Variants in CHSY3 observed in about 807,000 individuals in gnomAD.
CHSY3 encodes the protein N-acetylgalactosaminyl-proteoglycan 3-beta-glucuronosyltransferase 3.
CHSY3 carries 35 observed loss-of-function variants against 67.2 expected under a neutral mutation model. The ratio of observed to expected loss-of-function variants is 0.52; its 90% CI spans 0.40 to 0.69. The LOEUF (loss-of-function observed/expected upper bound fraction) is 0.69. Among genes scored for constraint, CHSY3 ranks in the 30% least tolerant of loss-of-function variants. The pLI, the probability that CHSY3 is intolerant of heterozygous loss-of-function variation, is 0.00. For synonymous variants in CHSY3, 474 were observed against 434.7 expected (o/e 1.09, Z -1.12); for missense variants, 1,069 against 1,138.5 (o/e 0.94, Z 0.88).
intron 2 of CHSY3, among the ~76,000 whole-genome samples, chr5:130,010,197 A>G (rs950866180): frequency 1.3e-5 from 2 of 152,206 alleles, no homozygotes; most frequent in Non-Finnish European, 2.9e-5. Flanking sequence ...TCATATGCAC[A>G]TGGCACATAC....
intron 2 of CHSY3, among the ~76,000 whole-genome samples, chr5:129,920,957 T>C (rs564004618): frequency 6.6e-6 from 1 of 152,182 alleles, no homozygotes; most frequent in African/African-American, 2.4e-5. Context: ...CAGCTGAGAC[T>C]GCAGGCATGC....
intron 2 of CHSY3, among the ~76,000 whole-genome samples, chr5:129,998,649 C>A (rs1449954381): frequency 6.6e-6 from 1 of 151,952 alleles, no homozygotes; most frequent in African/African-American, 2.4e-5. Flanking sequence ...TTTTGTCAAT[C>A]TGATTATTAA....
At chr5:130,079,437 G>A (rs1268778511) in intron 2 of CHSY3, among the ~76,000 whole-genome samples, 1 of 152,082 alleles carries the variant, frequency 6.6e-6, no homozygotes, top group Non-Finnish European at 1.5e-5. Context: ...ATAAACTTCA[G>A]GATTTTTGTG....
At chr5:130,057,539 T>G (rs1181825333) in intron 2 of CHSY3, among the ~76,000 whole-genome samples, 1 of 152,182 alleles carries the variant, frequency 6.6e-6, no homozygotes, top group Non-Finnish European at 1.5e-5. Flanking sequence ...AATACTAATA[T>G]TTGTCATTAA....
chr5:130,048,648 C>G (rs544480764), intron 2 of CHSY3, among the ~76,000 whole-genome samples: 1 of 152,138 alleles, frequency 6.6e-6, no homozygotes, highest in African/African-American at 2.4e-5. Flanking sequence ...CTCTCTCTCT[C>G]TGCCCCCTGC....
chr5:129,927,730 A>T (rs1761163817), intron 2 of CHSY3, among the ~76,000 whole-genome samples: 1 of 151,834 alleles, frequency 6.6e-6, no homozygotes, highest in Non-Finnish European at 1.5e-5. Context: ...TTACACTTGT[A>T]TTTTTTTTAA....
intron 2 of CHSY3, among the ~76,000 whole-genome samples, chr5:129,945,269 T>C (rs1178868954): frequency 6.6e-6 from 1 of 152,216 alleles, no homozygotes; most frequent in Non-Finnish European, 1.5e-5. Flanking sequence ...AACATGGCAC[T>C]TGTGCCTGTT....
intron 2 of CHSY3, among the ~76,000 whole-genome samples, chr5:130,043,910 A>G (rs1240792611): frequency 2.0e-5 from 3 of 152,044 alleles, no homozygotes; most frequent in Non-Finnish European, 2.9e-5. Flanking sequence ...ACACCATTTC[A>G]CCATGCAAGG....
chr5:129,987,197 T>C, intron 2 of CHSY3, among the ~76,000 whole-genome samples: 1 of 152,132 alleles, frequency 6.6e-6, no homozygotes, highest in Non-Finnish European at 1.5e-5. Context: ...GAATTCAGCT[T>C]GGTGGTAGAA....
chr5:129,933,325 G>A (rs939445397), intron 2 of CHSY3, among the ~76,000 whole-genome samples: 4 of 152,120 alleles, frequency 2.6e-5, no homozygotes, highest in Admixed American at 6.6e-5. Context: ...TTTGAAATTA[G>A]CATCAGGTTG....
intron 2 of CHSY3, among the ~76,000 whole-genome samples, chr5:130,117,950 G>A (rs185442858): frequency 2.6e-5 from 4 of 152,282 alleles, no homozygotes; most frequent in Admixed American, 1.3e-4. Context: ...GGCAGATTCC[G>A]TGAATGGCTT....
At chr5:130,133,602 T>C (rs956505516) in intron 2 of CHSY3, among the ~76,000 whole-genome samples, 1 of 151,544 alleles carries the variant, frequency 6.6e-6, no homozygotes, top group Non-Finnish European at 1.5e-5. Flanking sequence ...TAAAACCCCA[T>C]CTATACTAAA....
chr5:130,162,969 C>A (rs1769602914), intron 2 of CHSY3, among the ~76,000 whole-genome samples: 1 of 152,090 alleles, frequency 6.6e-6, no homozygotes, highest in Non-Finnish European at 1.5e-5. Context: ...TGTCACCAAA[C>A]AAGCACTTTT....
chr5:130,067,420 T>A (rs1467717660), intron 2 of CHSY3, among the ~76,000 whole-genome samples: 1 of 152,186 alleles, frequency 6.6e-6, no homozygotes, highest in African/African-American at 2.4e-5. Flanking sequence ...TATTTTCTAA[T>A]TGAATGCCTC....
At chr5:130,091,628 A>G (rs1431094544) in intron 2 of CHSY3, among the ~76,000 whole-genome samples, 1 of 152,196 alleles carries the variant, frequency 6.6e-6, no homozygotes, top group Non-Finnish European at 1.5e-5. Context: ...TGTAGGATTA[A>G]GATAATTACA....
At chr5:130,050,423 C>G (rs1019581888) in intron 2 of CHSY3, among the ~76,000 whole-genome samples, 1 of 152,078 alleles carries the variant, frequency 6.6e-6, no homozygotes, top group African/African-American at 2.4e-5. Flanking sequence ...TATGTCTACA[C>G]AAAGAATACA....
chr5:130,041,056 G>A (rs529872229), intron 2 of CHSY3, among the ~76,000 whole-genome samples: 6 of 152,178 alleles, frequency 3.9e-5, no homozygotes, highest in Non-Finnish European at 8.8e-5. Flanking sequence ...TTGTGCTGTC[G>A]ATGCCCTTTA....
At chr5:129,927,543 G>A (rs1031299162) in intron 2 of CHSY3, among the ~76,000 whole-genome samples, 4 of 151,858 alleles carry the variant, frequency 2.6e-5, no homozygotes, top group South Asian at 2.1e-4. Flanking sequence ...AGTTGATATC[G>A]AGTGAAATTG....
intron 2 of CHSY3, among the ~76,000 whole-genome samples, chr5:130,023,853 C>G (rs1187044965): frequency 6.6e-6 from 1 of 151,834 alleles, no homozygotes; most frequent in Non-Finnish European, 1.5e-5. Flanking sequence ...GGAGGAAATG[C>G]TTGTTCTCTA....
Sources: allele counts gnomAD v4.1 joint callset (sites outside exome capture counted in the v4.1 genomes callset), GRCh38; gene constraint gnomAD v4.1.1; transcripts MANE v1.5; gene names NCBI Gene and HGNC (gene_info 2026-07-23, HGNC 2026-07-21).